Variants in CTNNA3 observed in about 807,000 individuals in gnomAD.
CTNNA3 encodes the protein catenin alpha 3.
CTNNA3 carries 76 observed loss-of-function variants against 95.7 expected under a neutral mutation model. The observed-to-expected ratio is 0.79, with a 90% CI of 0.66 to 0.96. CTNNA3 has a LOEUF of 0.96. CTNNA3 is among the 40% of genes least tolerant of loss of function. The pLI, the probability that CTNNA3 is intolerant of heterozygous loss-of-function variation, is 0.00. For missense variants in CTNNA3, 1,191 were observed against 1,089.8 expected (o/e 1.09, Z -1.31); for synonymous variants, 431 against 374.4 (o/e 1.15, Z -1.74).
intron 15 of CTNNA3, among the ~76,000 whole-genome samples, chr10:66,049,230 C>T (rs936212258): frequency 6.6e-6 from 1 of 152,088 alleles, no homozygotes; most frequent in African/African-American, 2.4e-5. Flanking sequence ...ATTGAAACCA[C>T]AATGAGATAC....
chr10:67,543,602 C>T (rs1346895356), intron 3 of CTNNA3, among the ~76,000 whole-genome samples: 2 of 152,024 alleles, frequency 1.3e-5, no homozygotes, highest in Non-Finnish European at 2.9e-5. Flanking sequence ...TAAAAAACTT[C>T]CCAAACTTTT....
intron 11 of CTNNA3, among the ~76,000 whole-genome samples, chr10:66,454,217 A>G (rs145697707): frequency 1.4e-4 from 21 of 152,324 alleles, no homozygotes; most frequent in African/African-American, 4.8e-4. Context: ...GTGTAACTAG[A>G]CTTCTAGACT....
At chr10:66,947,616 G>A (rs2132707031) in intron 7 of CTNNA3, among the ~76,000 whole-genome samples, 1 of 152,184 alleles carries the variant, frequency 6.6e-6, no homozygotes, top group South Asian at 2.1e-4. Flanking sequence ...TAAGTTTCTA[G>A]GACTTCATAA....
chr10:67,568,354 C>G (rs975868475), intron 3 of CTNNA3, among the ~76,000 whole-genome samples: 1 of 151,770 alleles, frequency 6.6e-6, no homozygotes, highest in Admixed American at 6.6e-5. Flanking sequence ...TGTACTTAAT[C>G]TTCCTATCAG....
rs916587184 is a variant in CTNNA3 at position 67,108,715 on chromosome 10, A to G, written c.1047+71602T>C. 2.6e-5 allele frequency among the ~76,000 whole-genome samples: 4 copies of G among 152,180 alleles called. No homozygotes were observed. The East Asian group carries it at 7.7e-4, about 29-fold the overall frequency. ...AAACTCAGGTCTGTCTACAGGCTCC[A>G]CATCCAGATCCTAACTAAAATTTAG... On this transcript the variant is annotated intron_variant, in intron 7 of 17. Coordinates refer to ENST00000433211, the MANE Select transcript of CTNNA3 (RefSeq NM_013266.4).
chr10:66,383,499 GGA>G (rs2092860092), intron 11 of CTNNA3, among the ~76,000 whole-genome samples: 1 of 152,144 alleles, frequency 6.6e-6, no homozygotes, highest in African/African-American at 2.4e-5. Flanking sequence ...TGGGAAGAAT[GGA>G]ACCCAGTTGG....
At chr10:66,854,155 T>C (rs1199163017) in intron 7 of CTNNA3, among the ~76,000 whole-genome samples, 1 of 152,006 alleles carries the variant, frequency 6.6e-6, no homozygotes, top group Non-Finnish European at 1.5e-5. Context: ...AAAATCCCTT[T>C]AAAAAGTTGA....
intron 12 of CTNNA3, among the ~76,000 whole-genome samples, chr10:66,355,168 G>C (rs1003666986): frequency 6.6e-6 from 1 of 152,066 alleles, no homozygotes; most frequent in Non-Finnish European, 1.5e-5. Flanking sequence ...CAACTTAACT[G>C]AGAGCTCATT....
At chr10:66,562,366 C>A (rs1393637641) in intron 10 of CTNNA3, among the ~76,000 whole-genome samples, 4 of 152,256 alleles carry the variant, frequency 2.6e-5, no homozygotes, top group Non-Finnish European at 5.9e-5. Context: ...GTTAAGCCAA[C>A]TGGCTGATGT....
At position 67,603,614 on chromosome 10, in the gene CTNNA3, AAT is replaced by A. The variant is rs1259119221; in HGVS notation, c.292+3241_292+3242del. Reference sequence around the variant, plus strand: ...AAAAACTTTAAACCGTAAAAAAAAAAATAATTAAAAATGTAAAAAAGAAAAAA... The same window carrying A: ...AAAAACTTTAAACCGTAAAAAAAAAAAATTAAAAATGTAAAAAAGAAAAAA... On this transcript the variant is annotated intron_variant, in intron 3 of 17. Coordinates refer to ENST00000433211, the MANE Select transcript of CTNNA3 (RefSeq NM_013266.4). Among the ~76,000 whole-genome samples, 4 of 152,196 alleles carry A rather than the reference AAT, an allele frequency of 2.6e-5. No individual in the cohort carries two copies. The East Asian group carries it at 7.7e-4, about 29-fold the overall frequency.
intron 2 of CTNNA3, among the ~76,000 whole-genome samples, chr10:67,637,950 A>C (rs1839381947): frequency 6.6e-6 from 1 of 152,258 alleles, no homozygotes; most frequent in African/African-American, 2.4e-5. Flanking sequence ...AAGTAACTGC[A>C]TCAACTAATG....
At chr10:66,332,857 T>A (rs1306137004) in intron 12 of CTNNA3, among the ~76,000 whole-genome samples, 2 of 152,134 alleles carry the variant, frequency 1.3e-5, no homozygotes, top group Non-Finnish European at 2.9e-5. Context: ...CATCTGGTCC[T>A]GGACTTTTTT....
At chr10:67,215,091 A>C (rs1254660015) in intron 6 of CTNNA3, among the ~76,000 whole-genome samples, 1 of 152,068 alleles carries the variant, frequency 6.6e-6, no homozygotes, top group African/African-American at 2.4e-5. Context: ...TTTTCAAAAA[A>C]TACTTTTTAC....
intron 1 of CTNNA3, among the ~76,000 whole-genome samples, chr10:67,758,111 A>G (rs1021605165): frequency 2.0e-5 from 3 of 152,002 alleles, no homozygotes; most frequent in South Asian, 4.1e-4. Context: ...TGAGATATCC[A>G]TCTTTTCCTG....
intron 9 of CTNNA3, among the ~76,000 whole-genome samples, chr10:66,624,903 C>A (rs1844878809): frequency 1.3e-5 from 2 of 152,026 alleles, no homozygotes; most frequent in African/African-American, 4.8e-5. Context: ...AATGATTGAC[C>A]AGACTTTTTA....
At chr10:67,133,343 A>ACC (rs59049555) in intron 7 of CTNNA3, among the ~76,000 whole-genome samples, 2 of 104,478 alleles carry the variant, frequency 1.9e-5, no homozygotes, top group African/African-American at 7.8e-5. Context: ...ACACACACAC[A>ACC]ATGGTAGATA....
At chr10:66,126,355 C>T (rs1233078869) in intron 13 of CTNNA3, among the ~76,000 whole-genome samples, 1 of 152,116 alleles carries the variant, frequency 6.6e-6, no homozygotes, top group Admixed American at 6.5e-5. Context: ...GGGAAGAAGG[C>T]TAGAATATAA....
chr10:66,728,931 G>T (rs1020821372), intron 9 of CTNNA3, among the ~76,000 whole-genome samples: 2 of 152,120 alleles, frequency 1.3e-5, no homozygotes, highest in African/African-American at 4.8e-5. Context: ...TTTGTATATG[G>T]TATAAGGAAG....
intron 2 of CTNNA3, among the ~76,000 whole-genome samples, chr10:67,643,356 T>C (rs906842770): frequency 6.6e-6 from 1 of 151,912 alleles, no homozygotes. Context: ...GAATAGCTAA[T>C]GGACGCTGGG....
Sources: allele counts gnomAD v4.1 joint callset (sites outside exome capture counted in the v4.1 genomes callset), GRCh38; gene constraint gnomAD v4.1.1; transcripts MANE v1.5; gene names NCBI Gene and HGNC (gene_info 2026-07-23, HGNC 2026-07-21).